Variants in PTPRS observed in about 807,000 individuals in gnomAD.
PTPRS encodes receptor-type tyrosine-protein phosphatase S.
Under a neutral mutation model 215.3 loss-of-function variants are expected in PTPRS, and 63 were observed. The observed-to-expected ratio is 0.29, with a 90% confidence interval of 0.24 to 0.36. The LOEUF is 0.36. Ranked by LOEUF, PTPRS falls within the 10% of genes least tolerant of loss-of-function variation. PTPRS has a pLI of 1.00. For missense variants in PTPRS, 2,258 were observed against 2,825.8 expected (o/e 0.80, Z 4.56); for synonymous variants, 1,404 against 1,191.4 (o/e 1.18, Z -3.68).
intron 7 of PTPRS, among the ~76,000 whole-genome samples, chr19:5,259,501 A>G (rs1349871139): frequency 1.3e-5 from 2 of 152,248 alleles, no homozygotes; most frequent in African/African-American, 4.8e-5. Flanking sequence ...AGGCCTTGAT[A>G]AAAACTTGAG....
intron 1 of PTPRS, among the ~76,000 whole-genome samples, chr19:5,327,142 G>A (rs11669521): frequency 2.0e-5 from 3 of 152,304 alleles, no homozygotes; most frequent in East Asian, 1.9e-4. Flanking sequence ...GCTTGCCGTA[G>A]GTGCCCGCCA....
rs189407134 is a variant in PTPRS at position 5,233,803 on chromosome 19, G to A, written c.1850-2188C>T. Reference sequence around the variant, plus strand: ...TACTACAAGATACAAAAAACTAGCCGGGCATGGTGGCGGGAGCCTGTAATC... The same window carrying A: ...TACTACAAGATACAAAAAACTAGCCAGGCATGGTGGCGGGAGCCTGTAATC... On this transcript the variant is annotated intron_variant, in intron 13 of 37. Coordinates refer to ENST00000262963, the MANE Select transcript of PTPRS (RefSeq NM_002850.4). Among the ~76,000 whole-genome samples the A allele has an allele frequency of 1.6e-4, 24 of 151,438 alleles. 1 individual carries two copies. Among genetic ancestry groups the A allele is most frequent in the African/African-American group, 5.3e-4 (22 of 41,282 alleles).
chr19:5,210,379 C>T lies in PTPRS; in HGVS notation c.5487+90G>A. 6.4e-7 allele frequency: 1 copy of T among 1,568,062 alleles called. No individual in the cohort carries two copies. The highest frequency in any genetic ancestry group is 8.7e-7 in the Non-Finnish European group (1 of 1,147,242). ...CTGATTCCCAATGCTTATGCCTAAC[C>T]CTTGGCCTTTGTATCCATCACCAAC... On this transcript the variant is annotated intron_variant, in intron 35 of 37. Coordinates refer to ENST00000262963, the MANE Select transcript of PTPRS (RefSeq NM_002850.4). The surrounding 1 kb of genome is among the most constrained non-coding windows in gnomAD (Gnocchi z 4.5).
chr19:5,238,971 C>T lies in PTPRS; in HGVS notation c.1797G>A (p.Pro599=), dbSNP rs200933180. The T allele has an allele frequency of 4.8e-5, 77 of 1,612,504 alleles. No individual in the cohort carries two copies. Among genetic ancestry groups the T allele is most frequent in the East Asian group, 2.9e-4 (13 of 44,792 alleles). The change falls in exon 13 of 38, where the codon CCG becomes CCA. Residue 599 remains proline (P), a synonymous_variant. Coordinates refer to ENST00000262963, the MANE Select transcript of PTPRS (RefSeq NM_002850.4). Reference sequence around the variant, plus strand: ...CGGGGGTGAAGGCGCCCAGGCCCTGCGGCGAGCGGGCCGCCAGGCGGAAGG... The same window carrying T: ...CGGGGGTGAAGGCGCCCAGGCCCTGTGGCGAGCGGGCCGCCAGGCGGAAGG... The part of the protein sequence containing the change: ...EYAFRLAARS[P]QGLGAFTPVV...
chr19:5,262,804 G>A (rs952197156), intron 6 of PTPRS, among the ~76,000 whole-genome samples, 160 bp downstream of exon 6: 5 of 152,022 alleles, frequency 3.3e-5, no homozygotes, highest in African/African-American at 7.3e-5. Context: ...CTGAGGGGCC[G>A]GTCGCGGGGA....
intron 4 of PTPRS, among the ~76,000 whole-genome samples, chr19:5,265,405 G>C (rs565619033): frequency 1.3e-5 from 2 of 152,214 alleles, no homozygotes; most frequent in East Asian, 3.9e-4. Context: ...ACAGTGGCTC[G>C]ATCATAGCTC....
At chr19:5,315,710 T>C (rs943767799) in intron 1 of PTPRS, among the ~76,000 whole-genome samples, 2 of 151,552 alleles carry the variant, frequency 1.3e-5, no homozygotes, top group Non-Finnish European at 2.9e-5. Context: ...CCACCTGATC[T>C]GGAACTCCTG....
chr19:5,222,837 TGCCGGCA>T lies in PTPRS; in HGVS notation c.2948_2954del (p.Leu983GlnfsTer16). 6.3e-7 allele frequency: 1 copy of T among 1,594,294 alleles called. No homozygotes were observed. Among genetic ancestry groups the T allele is most frequent in the Non-Finnish European group, 8.5e-7 (1 of 1,176,646 alleles). Reference sequence around the variant, plus strand: ...CGTTCTCCGCGCCCGGCTCAGCCGCTGCCGGCAGCTCAGTCTCTCGGGCAGGGCCCAG... The same window carrying T: ...CGTTCTCCGCGCCCGGCTCAGCCGCTGCTCAGTCTCTCGGGCAGGGCCCAG... On this transcript the variant is annotated frameshift_variant, in exon 18 of 38. Transcript: ENST00000262963. LOFTEE classifies it high-confidence loss of function.
Position 5,322,471 on chromosome 19 carries a change from A to C in PTPRS, c.-95+18193T>G, listed in dbSNP as rs561977674. ...GAATGCGGGGGTGGGAGGAAGAAGC[A>C]GCCGCGGGGACCGACTCGAGCCCGC... On this transcript the variant is annotated intron_variant, in intron 1 of 37. Transcript: ENST00000262963. 7.2e-5 allele frequency among the ~76,000 whole-genome samples: 11 copies of C among 152,238 alleles called. No homozygotes were observed. The East Asian group carries it at 2.1e-3, about 30-fold the overall frequency.
intron 1 of PTPRS, among the ~76,000 whole-genome samples, chr19:5,330,800 CA>C (rs2050298265): frequency 6.6e-6 from 1 of 152,166 alleles, no homozygotes; most frequent in Non-Finnish European, 1.5e-5. Context: ...CTCCCAGGGC[CA>C]GATGGGGCCA....
chr19:5,212,154 C>T lies in PTPRS; in HGVS notation c.4866G>A (p.Thr1622=), dbSNP rs115759427. 2.0e-4 allele frequency: 328 copies of T among 1,614,072 alleles called. No individual in the cohort carries two copies. Among genetic ancestry groups the T allele is most frequent in the African/African-American group, 1.3e-3 (101 of 75,066 alleles). ...EKTVDVYGHV[T]LMRSQRNYMV... Reference sequence around the variant, plus strand: ...TGTAGTTGCGCTGGGACCTCATGAGCGTCACGTGGCCATAGACATCGACTG... The same window carrying T: ...TGTAGTTGCGCTGGGACCTCATGAGTGTCACGTGGCCATAGACATCGACTG... The change falls in exon 32 of 38, where the codon ACG becomes ACA. Residue 1622 remains threonine (T), a synonymous_variant. Transcript: ENST00000262963.
intron 1 of PTPRS, among the ~76,000 whole-genome samples, chr19:5,308,274 G>T (rs1275918016): frequency 6.6e-6 from 1 of 152,336 alleles, no homozygotes; most frequent in African/African-American, 2.4e-5. Context: ...TTGCTAAATG[G>T]ATGGGTGAGA....
intron 1 of PTPRS, among the ~76,000 whole-genome samples, chr19:5,312,935 GAC>G (rs2049754415): frequency 6.6e-6 from 1 of 152,150 alleles, no homozygotes; most frequent in South Asian, 2.1e-4. Context: ...TATTTATTTA[GAC>G]AGAGTCTCAC....
chr19:5,240,022 G>C (rs936123409), intron 12 of PTPRS, among the ~76,000 whole-genome samples, 177 bp downstream of exon 12: 2 of 151,866 alleles, frequency 1.3e-5, no homozygotes, highest in Non-Finnish European at 2.9e-5. Flanking sequence ...AGACAGAGGA[G>C]AAAAAAGTGG....
At chr19:5,225,990 G>A (rs1417781462) in intron 16 of PTPRS, 146 bp from the exon 17 acceptor site, 11 of 670,610 alleles carry the variant, frequency 1.6e-5, no homozygotes, top group South Asian at 1.0e-4. Flanking sequence ...CAGAGACCAC[G>A]ACACGTGGCA....
At chr19:5,251,510 CT>C (rs1280485641) in intron 9 of PTPRS, among the ~76,000 whole-genome samples, 1 of 151,026 alleles carries the variant, frequency 6.6e-6, no homozygotes, top group Non-Finnish European at 1.5e-5. Context: ...AATCCATGGA[CT>C]TCCCTCACCA....
chr19:5,247,667 G>C (rs1198791030), intron 9 of PTPRS, among the ~76,000 whole-genome samples: 2 of 152,004 alleles, frequency 1.3e-5, no homozygotes, highest in Non-Finnish European at 2.9e-5. Context: ...ATACGGGATT[G>C]GGAGGTGCAG....
rs1371307136 is a variant in PTPRS at position 5,237,490 on chromosome 19, T to A, written c.1849+1429A>T. Reference sequence around the variant, plus strand: ...CCTTCACAATCCGGCCCAACCTGCATGACATCTCGGGAAGGGATGTGTGCA... The same window carrying A: ...CCTTCACAATCCGGCCCAACCTGCAAGACATCTCGGGAAGGGATGTGTGCA... On this transcript the variant is annotated intron_variant, in intron 13 of 37. Coordinates refer to ENST00000262963, the MANE Select transcript of PTPRS (RefSeq NM_002850.4). The surrounding 1 kb of genome is among the most constrained non-coding windows in gnomAD (Gnocchi z 4.2). Among the ~76,000 whole-genome samples the A allele has an allele frequency of 6.6e-6, 1 of 152,172 alleles. No individual in the cohort carries two copies. Among genetic ancestry groups the A allele is most frequent in the Non-Finnish European group, 1.5e-5 (1 of 68,024 alleles).
At chr19:5,296,587 G>T (rs78871930) in intron 1 of PTPRS, among the ~76,000 whole-genome samples, 9 of 152,072 alleles carry the variant, frequency 5.9e-5, no homozygotes, top group Non-Finnish European at 1.3e-4. Context: ...GAGAGAAAGT[G>T]AAAGAGGATT....
Sources: gnomAD v4.1 joint callset for allele counts (sites outside exome capture counted in the v4.1 genomes callset) on GRCh38, gnomAD v4.1.1 for gene constraint, Gnocchi (gnomAD v3.1) non-coding constraint, MANE v1.5 for transcripts, NCBI Gene and HGNC (gene_info 2026-07-23, HGNC 2026-07-21) for gene names.